EVA1C: variants seen among roughly 807,000 people sequenced by gnomAD.
EVA1C encodes eva-1 homolog C, also known as protein eva-1 homolog C.
Under a neutral mutation model 45.4 loss-of-function variants are expected in EVA1C, and 25 were observed. That is an observed-to-expected ratio of 0.55 (90% CI 0.40 to 0.77). The LOEUF (loss-of-function observed/expected upper bound fraction) is 0.77, where lower values mean the gene tolerates loss of function less well. EVA1C is among the 30% of genes least tolerant of loss of function. The pLI, the probability that EVA1C is intolerant of heterozygous loss-of-function variation, is 0.00. For missense variants in EVA1C, 479 were observed against 554.8 expected (o/e 0.86, Z 1.37); for synonymous variants, 190 against 221.2 (o/e 0.86, Z 1.25).
At chr21:32,450,514 C>CG (rs34012160) in intron 1 of EVA1C, among the ~76,000 whole-genome samples, 151,986 of 152,002 alleles carry the variant, frequency 1, 75,985 homozygotes, top group Middle Eastern at 1. Flanking sequence ...GACCACAGTC[C>CG]GGGAATGCTG....
intron 1 of EVA1C, among the ~76,000 whole-genome samples, chr21:32,438,370 A>G (rs9976440): frequency 0.5 from 75,759 of 150,802 alleles, 19,840 homozygotes; most frequent in African/African-American, 0.64. Context: ...GGTGGCACAT[A>G]CCTGTAGTCC....
At chr21:32,495,296 C>A in intron 5 of EVA1C, 126 bp downstream of exon 5, 1 of 896,740 alleles carries the variant, frequency 1.1e-6, no homozygotes, top group Non-Finnish European at 1.7e-6. Flanking sequence ...GCTGTTTGGT[C>A]ATCCCAGATA....
intron 7 of EVA1C, among the ~76,000 whole-genome samples, chr21:32,514,529 AGTGG>A (rs1300914160): frequency 6.6e-6 from 1 of 152,210 alleles, no homozygotes; most frequent in Non-Finnish European, 1.5e-5. Context: ...ACAGCTACTG[AGTGG>A]CAGACCTGAG....
At chr21:32,464,480 G>C (rs571154650) in intron 3 of EVA1C, among the ~76,000 whole-genome samples, 1 of 152,198 alleles carries the variant, frequency 6.6e-6, no homozygotes, top group East Asian at 1.9e-4. Flanking sequence ...TCTCACTGTT[G>C]TTTCTCTGCT....
rs558591732 is a variant in EVA1C, at chr21:32,507,759, C to T, written c.949+3744C>T. Among the ~76,000 whole-genome samples, 207 of 145,466 alleles carry T rather than the reference C, an allele frequency of 1.4e-3. 1 individual carries two copies. The highest frequency in any genetic ancestry group is 3.9e-3 in the African/African-American group (152 of 38,924). On this transcript the variant is annotated intron_variant, in intron 7 of 7. Coordinates refer to ENST00000300255, the MANE Select transcript of EVA1C (RefSeq NM_058187.5). ...GTATCTGCATGTGCATATGTGTTTG[C>T]GTGTGTGTGCATGTATGTGTATCTC...
intron 3 of EVA1C, among the ~76,000 whole-genome samples, chr21:32,467,067 G>C (rs2036201495): frequency 6.6e-6 from 1 of 152,066 alleles, no homozygotes; most frequent in Non-Finnish European, 1.5e-5. Context: ...CTTGAGCCTA[G>C]GTTTGAGCCC....
chr21:32,425,523 A>G (rs1235221700), intron 1 of EVA1C, among the ~76,000 whole-genome samples: 5 of 151,992 alleles, frequency 3.3e-5, no homozygotes, highest in African/African-American at 1.2e-4. Context: ...CTCAAAAACC[A>G]TAAACTAAGG....
intron 7 of EVA1C, among the ~76,000 whole-genome samples, chr21:32,507,579 TATGTGTGTGC>T (rs2037773236): frequency 6.6e-6 from 1 of 151,984 alleles, no homozygotes; most frequent in Non-Finnish European, 1.5e-5. Flanking sequence ...TGCATGTGTA[TATGTGTGTGC>T]ATGTGTGTTT....
intron 7 of EVA1C, among the ~76,000 whole-genome samples, chr21:32,507,408 ATGTG>A (rs55753869): frequency 0.47 from 70,345 of 149,416 alleles, 18,054 homozygotes; most frequent in East Asian, 0.69. Context: ...GAGCATGTGC[ATGTG>A]TGTGTATGTG....
chr21:32,493,525 CTT>C (rs1300926363), intron 4 of EVA1C: 1 of 152,412 alleles, frequency 6.6e-6, no homozygotes, highest in Admixed American at 6.5e-5. Context: ...AGTGTTCATG[CTT>C]TCTCTCTTGC....
rs1195535256 is a variant in EVA1C, at chr21:32,501,992, CTT to C, written c.859+499_859+500del. Reference sequence around the variant, plus strand: ...CTCTCTCTCTCTCGCTCTTTTCTTTCTTTCTTTCTTTCTTTCTTTCTTTCTTT... The same window carrying C: ...CTCTCTCTCTCTCGCTCTTTTCTTTCTCTTTCTTTCTTTCTTTCTTTCTTT... On this transcript the variant is annotated intron_variant, in intron 6 of 7. Transcript: ENST00000300255. Among the ~76,000 whole-genome samples the C allele has an allele frequency of 2.0e-3, 15 of 7,376 alleles. 1 individual carries two copies. Among genetic ancestry groups the C allele is most frequent in the African/African-American group, 5.8e-3 (15 of 2,582 alleles). 4.8% of individuals were successfully genotyped at this position (7,376 alleles called of 152,430 possible). A position where few individuals can be genotyped will look rare whatever the true frequency, so the allele number is the denominator to read the frequency against.
chr21:32,485,711 G>A (rs918334248), intron 4 of EVA1C, among the ~76,000 whole-genome samples: 1 of 152,160 alleles, frequency 6.6e-6, no homozygotes, highest in Non-Finnish European at 1.5e-5. Context: ...TCTAAGTGGA[G>A]ACATTATGTT....
chr21:32,468,760 G>A (rs188001828), intron 4 of EVA1C, among the ~76,000 whole-genome samples: 1 of 152,184 alleles, frequency 6.6e-6, no homozygotes, highest in South Asian at 2.1e-4. Context: ...ACCAGATTAA[G>A]GGTGAATCTG....
chr21:32,419,292 T>A (rs994887599), intron 1 of EVA1C, among the ~76,000 whole-genome samples: 2 of 152,196 alleles, frequency 1.3e-5, no homozygotes, highest in African/African-American at 2.4e-5. Flanking sequence ...GGTAATGTAC[T>A]ATGAGAGAAC....
At position 32,495,073 on chromosome 21, in the gene EVA1C, T is replaced by C. The variant is rs1433174019; in HGVS notation, c.681T>C (p.Tyr227=). 6 of 1,614,138 alleles carry C rather than the reference T, an allele frequency of 3.7e-6. No individual in the cohort carries two copies. The Admixed American group carries it at 8.3e-5, about 22-fold the overall frequency. ...TGCAAGTCCTATCCCGAAGGTGCTA[T>C]GGGAAGCAGAGATGCAAAATCATCG... ...SALQVLSRRC[Y]GKQRCKIIVN... is the part of the protein sequence containing the mutation. Residue 227 remains tyrosine, a synonymous_variant, in exon 5 of 8, where the codon TAT becomes TAC. Transcript: ENST00000300255.
chr21:32,495,734 C>A (rs190115361), intron 5 of EVA1C, among the ~76,000 whole-genome samples: 2 of 152,188 alleles, frequency 1.3e-5, no homozygotes, highest in Non-Finnish European at 2.9e-5. Flanking sequence ...AATGAAATGC[C>A]TTCTTCGTTT....
At position 32,483,004 on chromosome 21, in the gene EVA1C, C is replaced by A. The variant is rs998532644; in HGVS notation, c.635-12023C>A. Among the ~76,000 whole-genome samples, 3 of 252 alleles carry A rather than the reference C, an allele frequency of 0.012. No individual in the cohort carries two copies. In the East Asian group the frequency reaches 0.3, roughly 25 times the overall value. The allele number at this position is 252 out of a possible 152,430, so 0.2% of individuals were successfully genotyped here. A position where few individuals can be genotyped will look rare whatever the true frequency, so the allele number is the denominator to read the frequency against. ...CCAAGTAGCTGGGACTACAGGCGCA[C>A]ACCATCATGCCCAGCTACTTTTAAT... On this transcript the variant is annotated intron_variant, in intron 4 of 7. Coordinates refer to ENST00000300255, the MANE Select transcript of EVA1C (RefSeq NM_058187.5).
At chr21:32,439,574 A>C (rs2035097136) in intron 1 of EVA1C, among the ~76,000 whole-genome samples, 1 of 151,966 alleles carries the variant, frequency 6.6e-6, no homozygotes, top group Non-Finnish European at 1.5e-5. Context: ...AAACTGAGAG[A>C]CCTATCTGAA....
chr21:32,438,983 C>G (rs988262029), intron 1 of EVA1C, among the ~76,000 whole-genome samples: 1 of 151,940 alleles, frequency 6.6e-6, no homozygotes, highest in Non-Finnish European at 1.5e-5. Context: ...TGCCTGTAAT[C>G]CCAGCACTTT....
Sources: gnomAD v4.1 joint callset for allele counts (sites outside exome capture counted in the v4.1 genomes callset) on GRCh38, gnomAD v4.1.1 for gene constraint, MANE v1.5 for transcripts, NCBI Gene and HGNC (gene_info 2026-07-23, HGNC 2026-07-21) for gene names.